MAPKAP1: variants seen among roughly 807,000 people sequenced by gnomAD.
The protein encoded by MAPKAP1 is MAPK associated protein 1, also known as target of rapamycin complex 2 subunit MAPKAP1.
In MAPKAP1, 20 loss-of-function variants were observed where a neutral mutation model predicts 65.7. The ratio of observed to expected loss-of-function variants is 0.30; its 90% CI spans 0.21 to 0.44. MAPKAP1 has a LOEUF of 0.44. Ranked by LOEUF, MAPKAP1 falls within the 20% of genes least tolerant of loss-of-function variation. The pLI, the probability that MAPKAP1 is intolerant of heterozygous loss-of-function variation, is 1.00. For synonymous variants in MAPKAP1, 222 were observed against 244.3 expected (o/e 0.91, Z 0.85); for missense variants, 423 against 648.0 (o/e 0.65, Z 3.77).
Position 125,543,119 on chromosome 9 carries a change from T to C in MAPKAP1, c.898A>G (p.Thr300Ala), listed in dbSNP as rs1414587616. The change falls in exon 7 of 12, where the codon ACC (threonine) becomes GCC (alanine). Residue 300 changes from threonine to alanine, a missense_variant. Transcript: ENST00000265960. The stretch of plus-strand genomic sequence containing the variant: ...GCCTTCAGTAAGATTTCCTTCATGG[T>C]AACCTTTGTGTTGTCCACCTGAATA... ...SLIQVDNTKVTMKEILLKAVK... is the reference protein window; with the variant it reads ...SLIQVDNTKVAMKEILLKAVK... 1 of 1,614,026 alleles carries C rather than the reference T, an allele frequency of 6.2e-7. No homozygotes were observed. The highest frequency in any genetic ancestry group is 8.5e-7 in the Non-Finnish European group (1 of 1,179,950).
At chr9:125,575,002 TAAGA>T (rs1412199313) in intron 5 of MAPKAP1, among the ~76,000 whole-genome samples, 1 of 152,200 alleles carries the variant, frequency 6.6e-6, no homozygotes, top group East Asian at 1.9e-4. Flanking sequence ...ATATTCTGAT[TAAGA>T]AAGTACAGAA....
chr9:125,698,298 T>TATAA (rs1554845655), intron 1 of MAPKAP1, among the ~76,000 whole-genome samples: 34 of 12,848 alleles, frequency 2.6e-3, no homozygotes, highest in Admixed American at 5.9e-3. Flanking sequence ...AATATATATA[T>TATAA]ATATATATAT....
At chr9:125,663,126 T>G (rs1834236661) in intron 3 of MAPKAP1, among the ~76,000 whole-genome samples, 1 of 152,214 alleles carries the variant, frequency 6.6e-6, no homozygotes, top group African/African-American at 2.4e-5. Context: ...ATCACTACTC[T>G]GATCAAATCA....
chr9:125,639,048 G>A (rs1833503860), intron 4 of MAPKAP1, among the ~76,000 whole-genome samples: 1 of 152,168 alleles, frequency 6.6e-6, no homozygotes, highest in South Asian at 2.1e-4. Context: ...AGACCAGCCT[G>A]GCCAATATGG....
chr9:125,594,159 A>C (rs113073441), intron 4 of MAPKAP1, among the ~76,000 whole-genome samples: 1 of 152,172 alleles, frequency 6.6e-6, no homozygotes, highest in African/African-American at 2.4e-5. Context: ...CCACTGCAGC[A>C]ATCTCCAACT....
intron 10 of MAPKAP1, among the ~76,000 whole-genome samples, chr9:125,450,200 G>A (rs1264202887): frequency 2.6e-5 from 4 of 152,286 alleles, no homozygotes; most frequent in East Asian, 1.9e-4. Flanking sequence ...AGCTGGAGCT[G>A]CCAGAATGAG....
chr9:125,589,137 T>C (rs530607248), intron 4 of MAPKAP1, among the ~76,000 whole-genome samples: 4 of 152,320 alleles, frequency 2.6e-5, no homozygotes, highest in African/African-American at 9.6e-5. Context: ...TGGTAGGACC[T>C]ACCTATCATA....
chr9:125,449,209 C>G (rs1852844929), intron 10 of MAPKAP1, among the ~76,000 whole-genome samples: 1 of 152,130 alleles, frequency 6.6e-6, no homozygotes, highest in Admixed American at 6.5e-5. Context: ...AATCCTAGCT[C>G]TGCCATGTTT....
chr9:125,602,734 T>C (rs943447647), intron 4 of MAPKAP1, among the ~76,000 whole-genome samples: 3 of 152,078 alleles, frequency 2.0e-5, no homozygotes, highest in Non-Finnish European at 4.4e-5. Flanking sequence ...TCATACATTA[T>C]CTCATTTAAT....
chr9:125,615,266 A>T (rs899462082), intron 4 of MAPKAP1, among the ~76,000 whole-genome samples: 1 of 152,184 alleles, frequency 6.6e-6, no homozygotes, highest in Admixed American at 6.5e-5. Context: ...AAGATATTAT[A>T]GGTCACTTAA....
intron 4 of MAPKAP1, among the ~76,000 whole-genome samples, chr9:125,614,525 A>C (rs1832690768): frequency 6.6e-6 from 1 of 152,108 alleles, no homozygotes; most frequent in East Asian, 1.9e-4. Context: ...TTGGGAGGCT[A>C]GGGCAGGGAG....
At position 125,569,031 on chromosome 9, in the gene MAPKAP1, G is replaced by A. The variant is rs1460263357; in HGVS notation, c.672-9222C>T. ...TGCTATGAATTAGTCGTTCTGTGTC[G>A]AGGGGTACTTCAGGGTAAAACACGG... On this transcript the variant is annotated intron_variant, in intron 5 of 11. Transcript: ENST00000265960. 2.6e-5 allele frequency among the ~76,000 whole-genome samples: 4 copies of A among 152,284 alleles called. No homozygotes were observed. In the South Asian group the frequency reaches 6.2e-4, roughly 24 times the overall value.
In MAPKAP1 at chr9:125,467,975, G is replaced by A; in HGVS notation, c.1342C>T (p.Pro448Ser). 1 of 1,614,082 alleles carries A rather than the reference G, an allele frequency of 6.2e-7. No homozygotes were observed. The highest frequency in any genetic ancestry group is 1.1e-5 in the South Asian group (1 of 91,070). ...ATAAATAAAAGGGACTACTCACTGG[G>A]GCTTTTCTCTTCAGCAAGGTCACAG... ...CACDLAEEKS[P>S]SHAIFKLTYL... Residue 448 changes from proline to serine, a missense_variant, in exon 10 of 12, where the codon CCC (proline) becomes TCC (serine). Coordinates refer to ENST00000265960, the MANE Select transcript of MAPKAP1 (RefSeq NM_001006617.3).
Position 125,489,327 on chromosome 9 carries a change from C to T in MAPKAP1, c.1067-4744G>A, listed in dbSNP as rs559006344. On this transcript the variant is annotated intron_variant, in intron 8 of 11. Transcript: ENST00000265960. ...ACATTAATGCTGAACTGGGTCTCCT[C>T]GTGAATGACAAGATAAATTGTTATG... is the stretch of plus-strand genomic sequence containing the variant. 1.7e-3 allele frequency among the ~76,000 whole-genome samples: 260 copies of T among 152,262 alleles called. 1 individual carries two copies. Among genetic ancestry groups the T allele is most frequent in the African/African-American group, 6.0e-3 (250 of 41,530 alleles).
chr9:125,580,790 G>C (rs1831599956), intron 5 of MAPKAP1, among the ~76,000 whole-genome samples: 1 of 152,034 alleles, frequency 6.6e-6, no homozygotes, highest in South Asian at 2.1e-4. Flanking sequence ...GTATATATCT[G>C]TGTAATCATC....
chr9:125,685,209 G>C (rs1039923874), intron 1 of MAPKAP1, among the ~76,000 whole-genome samples: 1 of 152,162 alleles, frequency 6.6e-6, no homozygotes, highest in Non-Finnish European at 1.5e-5. Flanking sequence ...TGAGTTAGAA[G>C]TGCCATGAAG....
intron 7 of MAPKAP1, among the ~76,000 whole-genome samples, chr9:125,535,060 T>C (rs1277295802): frequency 6.6e-6 from 1 of 152,214 alleles, no homozygotes; most frequent in Non-Finnish European, 1.5e-5. Flanking sequence ...AGAACATAAA[T>C]GCACTTCTAT....
At chr9:125,448,891 G>C (rs527417042) in intron 10 of MAPKAP1, among the ~76,000 whole-genome samples, 76 of 151,898 alleles carry the variant, frequency 5.0e-4, no homozygotes, top group Non-Finnish European at 1.0e-3. Flanking sequence ...CGGAATCCCA[G>C]CTACTTGGGA....
At chr9:125,545,265 T>C (rs1162116927) in intron 6 of MAPKAP1, among the ~76,000 whole-genome samples, 1 of 152,228 alleles carries the variant, frequency 6.6e-6, no homozygotes, top group East Asian at 1.9e-4. Context: ...TAGGGAGCGA[T>C]GCAGTAAGTG....
Sources: allele counts gnomAD v4.1 joint callset (sites outside exome capture counted in the v4.1 genomes callset), GRCh38; gene constraint gnomAD v4.1.1; transcripts MANE v1.5; gene names NCBI Gene and HGNC (gene_info 2026-07-23, HGNC 2026-07-21).